The following NR2F1-AS1 variants were observed in gnomAD, a reference collection of about 807,000 sequenced individuals.
NR2F1-AS1 encodes the protein NR2F1 regulatory antisense RNA 1.
intron 4 of NR2F1-AS1, chr5:93,438,819 G>C (rs1247567152): frequency 6.6e-6 from 1 of 152,202 alleles, no homozygotes; most frequent in African/African-American, 2.4e-5. Flanking sequence ...GGGAGAAAAA[G>C]GATAAGCTGG....
chr5:93,550,741 A>T (rs1399620817), intron 4 of NR2F1-AS1, among the ~76,000 whole-genome samples: 2 of 152,214 alleles, frequency 1.3e-5, no homozygotes, highest in Non-Finnish European at 2.9e-5. Flanking sequence ...TTTAAAAGGC[A>T]ATGTAGTTTT....
chr5:93,572,481 A>C (rs1752794455), intron 1 of NR2F1-AS1, among the ~76,000 whole-genome samples: 1 of 152,170 alleles, frequency 6.6e-6, no homozygotes, highest in African/African-American at 2.4e-5. Flanking sequence ...GTCACCTGTC[A>C]GCCGGTGCTC....
At chr5:93,414,268 A>G (rs1429114293) in intron 4 of NR2F1-AS1, among the ~76,000 whole-genome samples, 2 of 152,222 alleles carry the variant, frequency 1.3e-5, no homozygotes, top group Admixed American at 1.3e-4. Flanking sequence ...CATGTAACTC[A>G]GAATGACACT....
chr5:93,494,698 G>A (rs961868633), intron 4 of NR2F1-AS1, among the ~76,000 whole-genome samples: 4 of 152,142 alleles, frequency 2.6e-5, no homozygotes, highest in African/African-American at 7.2e-5. Flanking sequence ...TGCAGCTGCT[G>A]TGGAAAACAG....
intron 4 of NR2F1-AS1, among the ~76,000 whole-genome samples, chr5:93,471,676 AT>A (rs1320031436): frequency 2.0e-5 from 3 of 151,892 alleles, no homozygotes; most frequent in Non-Finnish European, 4.4e-5. Context: ...ATAAACAAAG[AT>A]TGTTAGAAGC....
intron 4 of NR2F1-AS1, among the ~76,000 whole-genome samples, chr5:93,457,525 A>G (rs1360394226): frequency 6.6e-6 from 1 of 152,120 alleles, no homozygotes; most frequent in Non-Finnish European, 1.5e-5. Flanking sequence ...TCTTATGTCT[A>G]CTTCTTTCTA....
At chr5:93,450,366 C>A (rs1310893082) in intron 4 of NR2F1-AS1, among the ~76,000 whole-genome samples, 1 of 152,026 alleles carries the variant, frequency 6.6e-6, no homozygotes, top group Non-Finnish European at 1.5e-5. Flanking sequence ...TACCAAAATA[C>A]CTTATGAAAT....
chr5:93,581,806 TCTCCCTCTC>T (rs1753076016), upstream of NR2F1-AS1, among the ~76,000 whole-genome samples: 1 of 45,334 alleles, frequency 2.2e-5, no homozygotes. Flanking sequence ...TCCCTCTCCC[TCTCCCTCTC>T]GTCTCTCTCT....
intron 4 of NR2F1-AS1, chr5:93,423,219 T>C (rs1247674925): frequency 6.6e-6 from 1 of 152,178 alleles, no homozygotes; most frequent in African/African-American, 2.4e-5. Context: ...AGGAAACTGC[T>C]GTCCTGATCC....
intron 4 of NR2F1-AS1, among the ~76,000 whole-genome samples, chr5:93,451,309 G>A (rs1749824770): frequency 7.6e-6 from 1 of 131,462 alleles, no homozygotes; most frequent in South Asian, 2.6e-4. Flanking sequence ...AGGTTTTAGA[G>A]TAGGGTTTTT....
chr5:93,487,967 G>A (rs1025071462), intron 4 of NR2F1-AS1, among the ~76,000 whole-genome samples: 5 of 151,952 alleles, frequency 3.3e-5, no homozygotes, highest in African/African-American at 1.2e-4. Context: ...TCTTTGACAA[G>A]GTTGACAAAA....
At chr5:93,450,432 A>G (rs373061657) in intron 4 of NR2F1-AS1, among the ~76,000 whole-genome samples, 82 of 152,312 alleles carry the variant, frequency 5.4e-4, no homozygotes, top group African/African-American at 1.9e-3. Flanking sequence ...GTTACTATAA[A>G]AACCTGTGCC....
At chr5:93,458,908 AG>A in intron 4 of NR2F1-AS1, among the ~76,000 whole-genome samples, 1 of 152,184 alleles carries the variant, frequency 6.6e-6, no homozygotes, top group East Asian at 1.9e-4. Context: ...GCTACTCGGG[AG>A]GCTGAGACAA....
chr5:93,510,939 T>C (rs1288755828), intron 4 of NR2F1-AS1, among the ~76,000 whole-genome samples: 2 of 152,226 alleles, frequency 1.3e-5, no homozygotes, highest in East Asian at 3.9e-4. Context: ...TTATTTTGGA[T>C]GGTGGTATAA....
chr5:93,415,812 G>T (rs1313959401), intron 4 of NR2F1-AS1, among the ~76,000 whole-genome samples: 1 of 152,178 alleles, frequency 6.6e-6, no homozygotes, highest in Non-Finnish European at 1.5e-5. Context: ...TAATAATACA[G>T]AATCTCAAGA....
intron 4 of NR2F1-AS1, among the ~76,000 whole-genome samples, chr5:93,417,868 T>A (rs992429110): frequency 6.6e-6 from 1 of 152,068 alleles, no homozygotes; most frequent in Admixed American, 6.6e-5. Flanking sequence ...ACACAGGGGA[T>A]TTTTTTTCTC....
intron 4 of NR2F1-AS1, among the ~76,000 whole-genome samples, chr5:93,513,327 G>A (rs751351761): frequency 2.6e-5 from 4 of 152,108 alleles, no homozygotes; most frequent in African/African-American, 9.7e-5. Context: ...ATATCCAGAA[G>A]AAAATAAACT....
intron 4 of NR2F1-AS1, among the ~76,000 whole-genome samples, chr5:93,460,259 C>G (rs1183767435): frequency 6.6e-6 from 1 of 152,102 alleles, no homozygotes; most frequent in Non-Finnish European, 1.5e-5. Flanking sequence ...CAGAAAGATA[C>G]CACAGAAGAA....
intron 4 of NR2F1-AS1, among the ~76,000 whole-genome samples, chr5:93,553,263 T>A (rs1356587995): frequency 6.6e-6 from 1 of 151,720 alleles, no homozygotes; most frequent in Non-Finnish European, 1.5e-5. Flanking sequence ...CCAAGTGAAG[T>A]GTTTTTAGTA....
Sources: allele counts gnomAD v4.1 joint callset (sites outside exome capture counted in the v4.1 genomes callset), GRCh38; gene constraint gnomAD v4.1.1; transcripts MANE v1.5; gene names NCBI Gene and HGNC (gene_info 2026-07-23, HGNC 2026-07-21).